ZC3H14: variants seen among roughly 807,000 people sequenced by gnomAD.
The protein encoded by ZC3H14 is zinc finger CCCH domain-containing protein 14.
ZC3H14 carries 31 observed loss-of-function variants against 92.4 expected under a neutral mutation model. The observed-to-expected ratio is 0.34, with a 90% CI of 0.25 to 0.45. ZC3H14 has a LOEUF of 0.45. Among genes scored for constraint, ZC3H14 ranks in the 20% least tolerant of loss-of-function variants. The pLI, the probability that ZC3H14 is intolerant of heterozygous loss-of-function variation, is 1.00. For synonymous variants in ZC3H14, 321 were observed against 300.9 expected (o/e 1.07, Z -0.69); for missense variants, 781 against 897.3 (o/e 0.87, Z 1.66).
intron 3 of ZC3H14, among the ~76,000 whole-genome samples, chr14:88,569,390 A>G (rs964146556): frequency 6.6e-6 from 1 of 152,184 alleles, no homozygotes. Flanking sequence ...TTTTGAGATT[A>G]TAAGTTTTTT....
rs1391057665 is a variant in ZC3H14 at position 88,627,355 on chromosome 14, A to G, written c.*15604A>G. On this transcript the variant is annotated 3_prime_UTR_variant, in exon 17 of 17. Transcript: ENST00000251038. ...CATAATTTTCATAAGAATCTCCAAAACCAATCAAATCATTAATAATAAATA... is the reference window on the plus strand; with the variant it reads ...CATAATTTTCATAAGAATCTCCAAAGCCAATCAAATCATTAATAATAAATA... The G allele has an allele frequency of 4.4e-6, 2 of 450,130 alleles. No homozygotes were observed. Among genetic ancestry groups the G allele is most frequent in the East Asian group, 7.6e-5 (2 of 26,490 alleles). The allele number at this position is 450,130 out of a possible 1,614,324, so 27.9% of individuals were successfully genotyped here.
chr14:88,627,538 C>A lies in ZC3H14; in HGVS notation c.*15787C>A. The A allele has an allele frequency of 8.6e-7, 1 of 1,163,990 alleles. No individual in the cohort carries two copies. Among genetic ancestry groups the A allele is most frequent in the Non-Finnish European group, 1.2e-6 (1 of 842,904 alleles). 72.1% of individuals were successfully genotyped at this position (1,163,990 alleles called of 1,614,324 possible). ...GTACAGTATATTGCATAGGCCTCCA[C>A]TGAATGATTGTTTCAACCACCAACT... On this transcript the variant is annotated 3_prime_UTR_variant, in exon 17 of 17. Transcript: ENST00000251038.
chr14:88,584,825 A>T (rs948757790), intron 9 of ZC3H14, among the ~76,000 whole-genome samples: 10 of 152,208 alleles, frequency 6.6e-5, no homozygotes, highest in African/African-American at 9.7e-5. Context: ...GCTCCCAAGA[A>T]GTAGAGAAAA....
rs771824774 is a variant in ZC3H14, at chr14:88,572,096, A to G, written c.302A>G (p.Asn101Ser). 1.2e-5 allele frequency: 20 copies of G among 1,614,054 alleles called. No individual in the cohort carries two copies. The highest frequency in any genetic ancestry group is 1.2e-4 in the Admixed American group (7 of 60,008). ...AGTAACGTGCCTTCAAACAAGAGCA[A>G]TTTCAGTCGGGGAGATGAGAGGAGG... ...FDSNVPSNKS[N>S]FSRGDERRHE... The change falls in exon 5 of 17, where the codon AAT becomes AGT. Residue 101 changes from asparagine to serine, a missense_variant. Physicochemically the swap from Asn to Ser is conservative, Grantham distance 46. Around this residue, in one of 3 missense-constraint regions of ZC3H14, gnomAD observed 106 missense variants for 154.2 expected, o/e 0.69. Coordinates refer to ENST00000251038, the MANE Select transcript of ZC3H14 (RefSeq NM_024824.5).
In ZC3H14 at chr14:88,572,991, A is replaced by G; in HGVS notation, c.845A>G (p.Glu282Gly). The G allele has an allele frequency of 6.2e-7, 1 of 1,614,062 alleles. No homozygotes were observed. Among genetic ancestry groups the G allele is most frequent in the South Asian group, 1.1e-5 (1 of 91,080 alleles). ...AGTCCGTTCTTTAGAAACAACTCGG[A>G]GAAAATGAGTATGGAGGTTTGTATG... ...TYSPFFRNNSEKMSMEDENFR... is the reference protein window; with the variant it reads ...TYSPFFRNNSGKMSMEDENFR... Residue 282 changes from glutamate (E) to glycine (G), a missense_variant, in exon 6 of 17, where the codon GAG becomes GGG. By Grantham distance (98) the Glu-to-Gly change is moderately conservative (BLOSUM62 -2). This residue lies in a region of ZC3H14 where 454 missense variants were observed against 438.5 expected (regional missense o/e 1.04). Coordinates refer to ENST00000251038, the MANE Select transcript of ZC3H14 (RefSeq NM_024824.5).
chr14:88,573,149 G>C, intron 6 of ZC3H14, 142 bp downstream of exon 6: 1 of 914,440 alleles, frequency 1.1e-6, no homozygotes. Flanking sequence ...GGGAGGCCGA[G>C]GCGGGTGGAT....
At chr14:88,596,418 G>T (rs2083828179) in intron 9 of ZC3H14, among the ~76,000 whole-genome samples, 1 of 152,160 alleles carries the variant, frequency 6.6e-6, no homozygotes, top group African/African-American at 2.4e-5. Context: ...GGGCCACAAG[G>T]TGCCTTTTCC....
Position 88,621,117 on chromosome 14 carries a change from T to G in ZC3H14, c.*9366T>G. ...AAAAAAATTATCTGTACTTACTTTA[T>G]CAGCAATATCCCAAAGTCTCACTGT... On this transcript the variant is annotated 3_prime_UTR_variant, in exon 17 of 17. Transcript: ENST00000251038. 1 of 1,613,512 alleles carries G rather than the reference T, an allele frequency of 6.2e-7. No homozygotes were observed.
At chr14:88,569,893 G>A (rs1411707696) in intron 3 of ZC3H14, among the ~76,000 whole-genome samples, 1 of 152,162 alleles carries the variant, frequency 6.6e-6, no homozygotes, top group Non-Finnish European at 1.5e-5. Context: ...CTGCCTCACT[G>A]TGGGTGACCC....
At chr14:88,573,507 C>G (rs1221460404) in intron 6 of ZC3H14, among the ~76,000 whole-genome samples, 3 of 152,154 alleles carry the variant, frequency 2.0e-5, no homozygotes, top group Admixed American at 2.0e-4. Context: ...GATCTCAACT[C>G]ACTGCAACCT....
In ZC3H14 at chr14:88,572,058, C is replaced by T. The variant is rs765219941; in HGVS notation, c.264C>T (p.Thr88=). ...CCTCTAGTCTGAAGTCTTCTGATAC[C>T]AACATCTTTGATAGTAACGTGCCTT... ...TEPSSLKSSD[T]NIFDSNVPSN... The change falls in exon 5 of 17, where the codon ACC becomes ACT. Residue 88 remains threonine, a synonymous_variant. Transcript: ENST00000251038. 27 of 1,613,704 alleles carry T rather than the reference C, an allele frequency of 1.7e-5. No homozygotes were observed. The highest frequency in any genetic ancestry group is 1.7e-4 in the Middle Eastern group (1 of 6,020).
chr14:88,602,886 G>A lies in ZC3H14; in HGVS notation c.1573G>A (p.Val525Ile), dbSNP rs780603505. 19 of 1,614,138 alleles carry A rather than the reference G, an allele frequency of 1.2e-5. No individual in the cohort carries two copies. Among genetic ancestry groups the A allele is most frequent in the Non-Finnish European group, 1.5e-5 (18 of 1,180,024 alleles). ...SPKFIVTLDG[V>I]PSPPGYMSDQ... ...CAAGTTTATAGTGACGCTGGATGGT[G>A]TCCCCAGCCCCCCAGGATACATGTC... is the stretch of plus-strand genomic sequence containing the variant. The change falls in exon 12 of 17, where the codon GTC becomes ATC. Residue 525 changes from valine (V) to isoleucine (I), a missense_variant. Coordinates refer to ENST00000251038, the MANE Select transcript of ZC3H14 (RefSeq NM_024824.5).
Position 88,563,242 on chromosome 14 carries a change from T to C in ZC3H14, c.36+73T>C, listed in dbSNP as rs1445761110. 16 of 1,559,502 alleles carry C rather than the reference T, an allele frequency of 1.0e-5. No individual in the cohort carries two copies. The South Asian group carries it at 1.8e-4, about 17-fold the overall frequency. ...GGCGGTTGTCAGGAGTAACGGGGAC[T>C]GTGGGCCCGGGTGGACGCCGCGGCC... On this transcript the variant is annotated intron_variant, in intron 1 of 16. Coordinates refer to ENST00000251038, the MANE Select transcript of ZC3H14 (RefSeq NM_024824.5).
chr14:88,612,256 CTTTTTAA>C lies in ZC3H14; in HGVS notation c.*513_*519del, dbSNP rs1158917597. On this transcript the variant is annotated 3_prime_UTR_variant, in exon 17 of 17. Coordinates refer to ENST00000251038, the MANE Select transcript of ZC3H14 (RefSeq NM_024824.5). ...AGGCTGCTTAAAATATTCAATTCTGCTTTTTAATTTTTAAGTGAATTTAGTTTGAAAA... is the reference window on the plus strand; with the variant it reads ...AGGCTGCTTAAAATATTCAATTCTGCTTTTTAAGTGAATTTAGTTTGAAAA... 1 of 154,186 alleles carries C rather than the reference CTTTTTAA, an allele frequency of 6.5e-6. No homozygotes were observed. Among genetic ancestry groups the C allele is most frequent in the Non-Finnish European group, 1.4e-5 (1 of 69,324 alleles). The allele number at this position is 154,186 out of a possible 1,614,324, so 9.6% of individuals were successfully genotyped here.
At chr14:88,593,779 C>G (rs901229882) in intron 9 of ZC3H14, among the ~76,000 whole-genome samples, 1 of 152,028 alleles carries the variant, frequency 6.6e-6, no homozygotes, top group African/African-American at 2.4e-5. Flanking sequence ...ATAGATATGT[C>G]TTGGATTCCA....
Position 88,616,595 on chromosome 14 carries a change from ATAGATT to A in ZC3H14, c.*4849_*4854del. The stretch of plus-strand genomic sequence containing the variant: ...TCTAATAGCTTTTATTTCAAAGTAA[ATAGATT>A]TAGAAAGTTTGGGGAAAAATTTAGA... On this transcript the variant is annotated 3_prime_UTR_variant, in exon 17 of 17. Transcript: ENST00000251038. 4 of 909,710 alleles carry A rather than the reference ATAGATT, an allele frequency of 4.4e-6. No homozygotes were observed. The highest frequency in any genetic ancestry group is 4.2e-5 in the South Asian group (2 of 47,248). The allele number at this position is 909,710 out of a possible 1,614,324, so 56.4% of individuals were successfully genotyped here.
intron 9 of ZC3H14, chr14:88,594,935 T>G (rs1240106867): frequency 6.2e-7 from 1 of 1,613,862 alleles, no homozygotes. Context: ...CTTTTTGATC[T>G]AAATGTTAGA....
At chr14:88,587,499 C>T (rs1361374774) in intron 9 of ZC3H14, among the ~76,000 whole-genome samples, 4 of 152,030 alleles carry the variant, frequency 2.6e-5, no homozygotes, top group Admixed American at 1.3e-4. Flanking sequence ...TTTCTTGCCG[C>T]CACCTACATT....
intron 2 of ZC3H14, among the ~76,000 whole-genome samples, chr14:88,567,220 A>G (rs1302807077): frequency 6.6e-6 from 1 of 150,708 alleles, no homozygotes; most frequent in East Asian, 2.0e-4. Flanking sequence ...GGTTCACACC[A>G]TTCTCCTGCC....
Sources: allele counts gnomAD v4.1 joint callset (sites outside exome capture counted in the v4.1 genomes callset), GRCh38; gene constraint gnomAD v4.1.1; regional missense constraint gnomAD v4.1.1; transcripts MANE v1.5; gene names NCBI Gene and HGNC (gene_info 2026-07-23, HGNC 2026-07-21).